MYRIP: variants seen among roughly 807,000 people sequenced by gnomAD.
MYRIP encodes the protein myosin VIIA and Rab interacting protein, also known as rab effector MyRIP.
A neutral mutation model predicts 98.0 loss-of-function variants in MYRIP; 49 were observed. The ratio of observed to expected loss-of-function variants is 0.50; its 90% CI spans 0.40 to 0.63. The LOEUF (loss-of-function observed/expected upper bound fraction) is 0.63. MYRIP is among the 30% of genes least tolerant of loss of function. The probability of loss-of-function intolerance (pLI) is 0.00; values close to 1 mark genes in which losing one functional copy is unlikely to be tolerated. For synonymous variants in MYRIP, 404 were observed against 409.5 expected (o/e 0.99, Z 0.16); for missense variants, 1,004 against 1,058.2 (o/e 0.95, Z 0.71).
In MYRIP at chr3:39,942,808, C is replaced by T. The variant is rs1246692818; in HGVS notation, c.110+41882C>T. On this transcript the variant is annotated intron_variant, in intron 2 of 16. Coordinates refer to ENST00000302541, the MANE Select transcript of MYRIP (RefSeq NM_015460.4). ...ATTAATCAACCTCTCTTCATCTCTC[C>T]CTCTACTATCTCCTTCCCAGCTCTG... is the stretch of plus-strand genomic sequence containing the variant. 2.0e-5 allele frequency among the ~76,000 whole-genome samples: 3 copies of T among 152,204 alleles called. No individual in the cohort carries two copies. The East Asian group carries it at 5.8e-4, about 29-fold the overall frequency.
intron 3 of MYRIP, among the ~76,000 whole-genome samples, chr3:40,146,073 T>G (rs1380942734): frequency 6.6e-6 from 1 of 152,192 alleles, no homozygotes; most frequent in Non-Finnish European, 1.5e-5. Context: ...AATTAATAAT[T>G]GTCAATATGT....
intron 2 of MYRIP, among the ~76,000 whole-genome samples, chr3:39,932,542 TG>T (rs1364356531): frequency 3.3e-5 from 5 of 152,042 alleles, no homozygotes; most frequent in Non-Finnish European, 7.4e-5. Flanking sequence ...TTCGGTTTTT[TG>T]GGGGTTTTTT....
chr3:40,112,450 CTAAT>C (rs1229386080), intron 3 of MYRIP, among the ~76,000 whole-genome samples: 5 of 152,174 alleles, frequency 3.3e-5, no homozygotes, highest in African/African-American at 1.2e-4. Flanking sequence ...TCAGCAAATT[CTAAT>C]TTCTACTCTA....
chr3:40,245,820 T>C (rs1332258208), intron 13 of MYRIP, among the ~76,000 whole-genome samples: 1 of 146,340 alleles, frequency 6.8e-6, no homozygotes, highest in Admixed American at 6.8e-5. Context: ...TGATCTTGGC[T>C]CACTGCAACA....
chr3:39,817,378 T>A (rs1940956922), intron 1 of MYRIP, among the ~76,000 whole-genome samples: 1 of 152,216 alleles, frequency 6.6e-6, no homozygotes, highest in Admixed American at 6.5e-5. Flanking sequence ...AAACGTCAAA[T>A]GCTCATTGAA....
At chr3:40,090,740 C>G (rs147671584) in intron 3 of MYRIP, among the ~76,000 whole-genome samples, 1 of 152,178 alleles carries the variant, frequency 6.6e-6, no homozygotes, top group Non-Finnish European at 1.5e-5. Context: ...ACATTTTATG[C>G]GGCATGTGTT....
intron 3 of MYRIP, among the ~76,000 whole-genome samples, chr3:40,129,619 G>A (rs773495901): frequency 1.8e-4 from 27 of 152,022 alleles, no homozygotes; most frequent in Non-Finnish European, 2.1e-4. Context: ...CCATGCCCAC[G>A]CTGCTAGTCT....
Position 40,167,128 on chromosome 3 carries a change from A to G in MYRIP, c.649-31A>G, listed in dbSNP as rs528694222. On this transcript the variant is annotated intron_variant, in intron 6 of 16. Coordinates refer to ENST00000302541, the MANE Select transcript of MYRIP (RefSeq NM_015460.4). ...CTGCCAAGTCACCCCAAATCCACCCACAGCACACAGCCATTCTCTTCCCTC... is the reference window on the plus strand; with the variant it reads ...CTGCCAAGTCACCCCAAATCCACCCGCAGCACACAGCCATTCTCTTCCCTC... 17 of 1,609,566 alleles carry G rather than the reference A, an allele frequency of 1.1e-5. No homozygotes were observed. The East Asian group carries it at 2.7e-4, about 25-fold the overall frequency.
At chr3:40,139,082 C>A (rs529760021) in intron 3 of MYRIP, among the ~76,000 whole-genome samples, 1 of 152,312 alleles carries the variant, frequency 6.6e-6, no homozygotes, top group East Asian at 1.9e-4. Flanking sequence ...GTTTAACTTT[C>A]TCTTCCTAGC....
intron 2 of MYRIP, among the ~76,000 whole-genome samples, chr3:39,906,834 T>C (rs1943891224): frequency 6.6e-6 from 1 of 152,202 alleles, no homozygotes; most frequent in African/African-American, 2.4e-5. Flanking sequence ...GATGACATTG[T>C]TCATGGCAGA....
chr3:40,110,729 C>A (rs1949140703), intron 3 of MYRIP, among the ~76,000 whole-genome samples: 1 of 152,156 alleles, frequency 6.6e-6, no homozygotes, highest in African/African-American at 2.4e-5. Flanking sequence ...GTGCCAGCTT[C>A]CTTTATCACT....
At chr3:40,071,249 G>T in intron 3 of MYRIP, 1 of 954,728 alleles carries the variant, frequency 1.0e-6, no homozygotes, top group Non-Finnish European at 1.2e-6. Flanking sequence ...CTGGAGTTGG[G>T]GTCAGAATGT....
chr3:40,103,238 T>G (rs1948983803), intron 3 of MYRIP, among the ~76,000 whole-genome samples: 1 of 152,008 alleles, frequency 6.6e-6, no homozygotes, highest in Non-Finnish European at 1.5e-5. Context: ...CTTTCTACCC[T>G]CCTCCCTGCA....
chr3:39,823,830 C>G (rs1941187575), intron 1 of MYRIP, among the ~76,000 whole-genome samples: 1 of 151,816 alleles, frequency 6.6e-6, no homozygotes, highest in Admixed American at 6.6e-5. Context: ...TGTATTGTTT[C>G]CTTTGCTTTG....
At chr3:40,153,495 C>T (rs539854699) in intron 4 of MYRIP, among the ~76,000 whole-genome samples, 15 of 152,088 alleles carry the variant, frequency 9.9e-5, no homozygotes, top group Non-Finnish European at 1.6e-4. Flanking sequence ...TCGCCAAGGG[C>T]GCTTTGAAAA....
chr3:40,190,590 A>G (rs780963218), intron 10 of MYRIP, 127 bp downstream of exon 10: 17 of 1,430,606 alleles, frequency 1.2e-5, no homozygotes, highest in Non-Finnish European at 1.6e-5. Flanking sequence ...TTGGTTTTGC[A>G]GCTAAGTAGC....
In MYRIP at chr3:40,143,888, C is replaced by T. The variant is rs1949960455; in HGVS notation, c.333-7160C>T. On this transcript the variant is annotated intron_variant, in intron 3 of 16. Transcript: ENST00000302541. ...CCCACGGATTTGCTGTAGTCTTCCA[C>T]CTCCCTGCAGCCCCAGGCTGGTGCC... Among the ~76,000 whole-genome samples, 3 of 152,310 alleles carry T rather than the reference C, an allele frequency of 2.0e-5. No homozygotes were observed. The East Asian group carries it at 5.8e-4, about 29-fold the overall frequency.
At chr3:39,969,091 T>C (rs1445591774) in intron 2 of MYRIP, among the ~76,000 whole-genome samples, 1 of 152,202 alleles carries the variant, frequency 6.6e-6, no homozygotes, top group African/African-American at 2.4e-5. Flanking sequence ...GTGGCAATTG[T>C]GAATGGGCTT....
At chr3:40,086,752 C>A (rs1024351046) in intron 3 of MYRIP, among the ~76,000 whole-genome samples, 15 of 152,164 alleles carry the variant, frequency 9.9e-5, no homozygotes, top group African/African-American at 3.4e-4. Context: ...GAGGAATAAA[C>A]AAGGTAACCC....
Sources: gnomAD v4.1 joint callset for allele counts (sites outside exome capture counted in the v4.1 genomes callset) on GRCh38, gnomAD v4.1.1 for gene constraint, MANE v1.5 for transcripts, NCBI Gene and HGNC (gene_info 2026-07-23, HGNC 2026-07-21) for gene names.